The following NR3C1 variants were observed in gnomAD, a reference collection of about 807,000 sequenced individuals.
The protein encoded by NR3C1 is nuclear receptor subfamily 3 group C member 1, also known as glucocorticoid receptor.
NR3C1 carries 14 observed loss-of-function variants against 74.0 expected under a neutral mutation model. The ratio of observed to expected loss-of-function variants is 0.19; its 90% CI spans 0.12 to 0.30. The LOEUF (loss-of-function observed/expected upper bound fraction) is 0.30. Among genes scored for constraint, NR3C1 ranks in the 10% least tolerant of loss-of-function variants. NR3C1 has a pLI of 1.00. For missense variants in NR3C1, 695 were observed against 909.8 expected, an observed-to-expected ratio of 0.76 and a Z score of 3.04; for synonymous variants, 308 against 332.5, an observed-to-expected ratio of 0.93 and a Z score of 0.80.
At chr5:143,282,761 CT>C in intron 7 of NR3C1, 36 bp from the exon 8 acceptor site, 1 of 1,530,736 alleles carries the variant, frequency 6.5e-7, no homozygotes, top group South Asian at 1.2e-5. Flanking sequence ...AAAGGATTTT[CT>C]TTTTCTTTTC....
At chr5:143,393,087 G>A (rs77979848) in intron 2 of NR3C1, among the ~76,000 whole-genome samples, 1 of 152,000 alleles carries the variant, frequency 6.6e-6, no homozygotes, top group Non-Finnish European at 1.5e-5. Flanking sequence ...TAACTGTAAC[G>A]AACATAGAAA....
intron 2 of NR3C1, among the ~76,000 whole-genome samples, chr5:143,327,784 G>A (rs913801781): frequency 6.6e-5 from 10 of 152,258 alleles, no homozygotes; most frequent in African/African-American, 1.7e-4. Context: ...AGTAAGGGGT[G>A]GGCTTTCATA....
intron 2 of NR3C1, among the ~76,000 whole-genome samples, chr5:143,396,690 A>T (rs1309549179): frequency 1.4e-5 from 2 of 148,014 alleles, no homozygotes; most frequent in Admixed American, 6.7e-5. Context: ...GCCAATCATC[A>T]CTTAATTTTA....
chr5:143,342,226 A>G (rs1442005087), intron 2 of NR3C1, among the ~76,000 whole-genome samples: 22 of 152,218 alleles, frequency 1.4e-4, no homozygotes, highest in Admixed American at 1.4e-3. Context: ...ATCATACTAT[A>G]ATGACGGAGG....
chr5:143,333,033 A>C (rs1325153838), intron 2 of NR3C1: 2 of 1,592,156 alleles, frequency 1.3e-6, no homozygotes, highest in African/African-American at 2.7e-5. Flanking sequence ...GCACCTGGGG[A>C]AGTTTGGCTT....
At chr5:143,297,135 G>A (rs533306173) in intron 6 of NR3C1, among the ~76,000 whole-genome samples, 127 of 149,230 alleles carry the variant, frequency 8.5e-4, no homozygotes, top group African/African-American at 3.1e-3. Context: ...CTTTTAGGCA[G>A]CAGCATGAGA....
intron 1 of NR3C1, among the ~76,000 whole-genome samples, chr5:143,424,836 C>G (rs1751446848): frequency 6.6e-6 from 1 of 152,124 alleles, no homozygotes; most frequent in African/African-American, 2.4e-5. Context: ...TACTACATAC[C>G]AAGCACAGGT....
At chr5:143,283,332 T>TG (rs781609000) in intron 7 of NR3C1, among the ~76,000 whole-genome samples, 34 of 152,354 alleles carry the variant, frequency 2.2e-4, no homozygotes, top group Non-Finnish European at 4.4e-4. Context: ...GACTTAACCT[T>TG]GAGTAAATCA....
chr5:143,310,831 T>C (rs1005040980), intron 3 of NR3C1, among the ~76,000 whole-genome samples: 15 of 152,006 alleles, frequency 9.9e-5, no homozygotes, highest in Non-Finnish European at 1.5e-4. Context: ...CTAATTTTTA[T>C]ATTTTTAGTA....
chr5:143,338,709 T>C (rs1827643645), intron 2 of NR3C1, among the ~76,000 whole-genome samples: 1 of 152,104 alleles, frequency 6.6e-6, no homozygotes, highest in African/African-American at 2.4e-5. Flanking sequence ...GTTTACAAAG[T>C]AAAAAAGTTA....
intron 1 of NR3C1, among the ~76,000 whole-genome samples, chr5:143,428,215 C>T (rs1751633574): frequency 6.6e-6 from 1 of 152,236 alleles, no homozygotes; most frequent in Admixed American, 6.5e-5. Context: ...TTGTGAAGCC[C>T]CTTGGGGTCT....
At chr5:143,317,880 G>C (rs569647903) in intron 2 of NR3C1, among the ~76,000 whole-genome samples, 2 of 152,238 alleles carry the variant, frequency 1.3e-5, no homozygotes, top group East Asian at 1.9e-4. Context: ...TCTGGTCTAG[G>C]ATGGAGTACC....
intron 4 of NR3C1, among the ~76,000 whole-genome samples, chr5:143,305,445 A>T (rs1819379675): frequency 6.6e-6 from 1 of 152,202 alleles, no homozygotes; most frequent in Non-Finnish European, 1.5e-5. Flanking sequence ...ACATGTACCC[A>T]TATGTTCACT....
At chr5:143,342,144 GAAACT>G (rs1411511561) in intron 2 of NR3C1, among the ~76,000 whole-genome samples, 1 of 151,722 alleles carries the variant, frequency 6.6e-6, no homozygotes, top group African/African-American at 2.4e-5. Flanking sequence ...AAAAAACCAA[GAAACT>G]ATTACATTTT....
chr5:143,404,607 C>CCCAATTGG, upstream of NR3C1: 1 of 775,530 alleles, frequency 1.3e-6, no homozygotes, highest in Non-Finnish European at 1.6e-6. Context: ...CCCTCCCGCC[C>CCCAATTGG]AATGTGCTCA....
Position 143,298,803 on chromosome 5 carries a change from T to G in NR3C1, c.1757A>C (p.Asn586Thr). The change falls in exon 6 of 9, where the codon AAC becomes ACC. Residue 586 changes from asparagine to threonine, a missense_variant. Asn to Thr is a moderately conservative substitution (Grantham distance 65). This residue lies in a region of NR3C1 where 133 missense variants were observed against 287.9 expected (regional missense o/e 0.46). Transcript: ENST00000394464. Reference protein sequence around the residue: ...KWAKAIPGFRNLHLDDQMTLL... With the variant: ...KWAKAIPGFRTLHLDDQMTLL... ...GGTCATTTGGTCATCCAGGTGTAAG[T>G]TCCTGAAACCTGAATTAAGAGAAAT... 1.2e-6 allele frequency: 2 copies of G among 1,613,300 alleles called. No homozygotes were observed. Among genetic ancestry groups the G allele is most frequent in the Non-Finnish European group, 1.7e-6 (2 of 1,179,662 alleles).
intron 2 of NR3C1, among the ~76,000 whole-genome samples, chr5:143,365,635 A>C (rs1039436260): frequency 4.6e-5 from 7 of 152,240 alleles, no homozygotes; most frequent in Admixed American, 2.6e-4. Flanking sequence ...CTGCAAGGAA[A>C]CAGATTTGAA....
At chr5:143,414,725 T>C (rs1484236281) in intron 1 of NR3C1, among the ~76,000 whole-genome samples, 2 of 152,208 alleles carry the variant, frequency 1.3e-5, no homozygotes, top group East Asian at 3.9e-4. Flanking sequence ...TCAAGTTCTT[T>C]CTGGAATTAG....
chr5:143,279,294 C>T lies in NR3C1; in HGVS notation c.*2595G>A, dbSNP rs899063097. ...GCATCAGTTGACTTATTATTGACAA[C>T]GAAGTGCACATAATCTTCTTTTTCT... On this transcript the variant is annotated 3_prime_UTR_variant, in exon 9 of 9. Transcript: ENST00000394464. The T allele has an allele frequency of 4.0e-6, 6 of 1,512,380 alleles. No homozygotes were observed. The highest frequency in any genetic ancestry group is 1.3e-5 in the South Asian group (1 of 77,170). 93.7% of individuals were successfully genotyped at this position (1,512,380 alleles called of 1,614,324 possible).
Sources: allele counts gnomAD v4.1 joint callset (sites outside exome capture counted in the v4.1 genomes callset), GRCh38; gene constraint gnomAD v4.1.1; regional missense constraint gnomAD v4.1.1; transcripts MANE v1.5; gene names NCBI Gene and HGNC (gene_info 2026-07-23, HGNC 2026-07-21).